The following TMEM255B variants were observed in gnomAD, a reference collection of about 807,000 sequenced individuals.
The protein encoded by TMEM255B is family with sequence similarity 70, member B.
TMEM255B carries 35 observed loss-of-function variants against 34.5 expected under a neutral mutation model. The observed-to-expected ratio is 1.01, with a 90% CI of 0.77 to 1.34. TMEM255B has a LOEUF of 1.34. Among genes scored for constraint, TMEM255B ranks in the 40% most tolerant of loss-of-function variants. TMEM255B has a pLI of 0.00. For synonymous variants in TMEM255B, 206 were observed against 201.2 expected (o/e 1.02, Z -0.20); for missense variants, 432 against 433.2 (o/e 1.00, Z 0.02).
intron 8 of TMEM255B, 36 bp downstream of exon 8, chr13:113,805,064 T>C (rs773637131): frequency 6.4e-7 from 1 of 1,565,578 alleles, no homozygotes. Flanking sequence ...TTGGACGCGC[T>C]GGTCACAGGC....
intron 8 of TMEM255B, among the ~76,000 whole-genome samples, chr13:113,807,218 G>A (rs1357646781): frequency 1.3e-5 from 2 of 152,218 alleles, no homozygotes; most frequent in Non-Finnish European, 2.9e-5. Context: ...AGGCAGGTGT[G>A]TCCTCCCTGC....
rs1334017461 is a variant in TMEM255B at position 113,762,454 on chromosome 13, A to T, written c.46+3139A>T. On this transcript the variant is annotated intron_variant, in intron 1 of 8. Coordinates refer to ENST00000375353, the MANE Select transcript of TMEM255B (RefSeq NM_182614.4). Reference sequence around the variant, plus strand: ...GTATAATCTAGGAATCTGTGATAGGAATGCTGATAAAAGGGTGGCTCATAC... The same window carrying T: ...GTATAATCTAGGAATCTGTGATAGGTATGCTGATAAAAGGGTGGCTCATAC... Among the ~76,000 whole-genome samples the T allele has an allele frequency of 3.9e-5, 6 of 152,282 alleles. No individual in the cohort carries two copies. In the East Asian group the frequency reaches 1.2e-3, roughly 29 times the overall value.
At chr13:113,799,664 C>T in intron 5 of TMEM255B, 1 of 655,054 alleles carries the variant, frequency 1.5e-6, no homozygotes, top group South Asian at 1.8e-5. Flanking sequence ...TCTCAGAGTG[C>T]ACGTGTCCAG....
At chr13:113,764,987 C>T (rs1056363893) in intron 1 of TMEM255B, among the ~76,000 whole-genome samples, 14 of 152,140 alleles carry the variant, frequency 9.2e-5, no homozygotes, top group Admixed American at 2.0e-4. Context: ...GGGTCCAAGA[C>T]GGGGGCAGCC....
intron 8 of TMEM255B, among the ~76,000 whole-genome samples, chr13:113,807,581 T>TG (rs1270496087): frequency 9.8e-5 from 10 of 101,532 alleles, no homozygotes; most frequent in Admixed American, 2.2e-4. Context: ...TTACGGGATG[T>TG]GGGGGTGGTC....
rs116323906 is a variant in TMEM255B, at chr13:113,798,284, G to A, written c.343-1055G>A. Among the ~76,000 whole-genome samples the A allele has an allele frequency of 2.1e-3, 321 of 151,746 alleles. 1 individual carries two copies. The highest frequency in any genetic ancestry group is 7.3e-3 in the African/African-American group (300 of 41,354). ...ATGGATAGATAGGAGGATGGATAACGGATGATGGATGGATGGTGGACAGAT... is the reference window on the plus strand; with the variant it reads ...ATGGATAGATAGGAGGATGGATAACAGATGATGGATGGATGGTGGACAGAT... On this transcript the variant is annotated intron_variant, in intron 4 of 8. Transcript: ENST00000375353.
rs550250637 is a variant in TMEM255B, at chr13:113,762,793, G to A, written c.47-3322G>A. Among the ~76,000 whole-genome samples the A allele has an allele frequency of 1.4e-4, 21 of 152,298 alleles. No homozygotes were observed. In the East Asian group the frequency reaches 3.3e-3, roughly 24 times the overall value. On this transcript the variant is annotated intron_variant, in intron 1 of 8. Coordinates refer to ENST00000375353, the MANE Select transcript of TMEM255B (RefSeq NM_182614.4). ...ACGCCCACAGGAGGCTGGGACAGGA[G>A]CCCCACGGAAGGTTCTACCTGTGGG...
chr13:113,775,358 T>A (rs2050558866), intron 3 of TMEM255B, among the ~76,000 whole-genome samples: 1 of 152,270 alleles, frequency 6.6e-6, no homozygotes, highest in Non-Finnish European at 1.5e-5. Context: ...AGGGCCTCGC[T>A]GTCGTGGGAG....
intron 4 of TMEM255B, among the ~76,000 whole-genome samples, chr13:113,797,255 T>C (rs1015927006): frequency 6.6e-6 from 1 of 152,228 alleles, no homozygotes; most frequent in Non-Finnish European, 1.5e-5. Context: ...GGGCTGACTT[T>C]AGGACGGATG....
rs771274150 is a variant in TMEM255B at position 113,769,521 on chromosome 13, C to T, written c.252+361C>T. 8 of 220,640 alleles carry T rather than the reference C, an allele frequency of 3.6e-5. No individual in the cohort carries two copies. The highest frequency in any genetic ancestry group is 6.5e-5 in the Non-Finnish European group (7 of 108,222). 13.7% of individuals were successfully genotyped at this position (220,640 alleles called of 1,614,324 possible). On this transcript the variant is annotated intron_variant, in intron 3 of 8. Coordinates refer to ENST00000375353, the MANE Select transcript of TMEM255B (RefSeq NM_182614.4). This position sits in a 1 kb window ranked among gnomAD's most constrained non-coding sequence, Gnocchi z 4.2. ...CAGGCAAAAACATGTGCATAAGCCT[C>T]TCTTCCTTTTGAACCAGTGGCTCTA...
intron 1 of TMEM255B, among the ~76,000 whole-genome samples, chr13:113,759,762 C>G (rs2050265828): frequency 6.6e-6 from 1 of 152,162 alleles, no homozygotes; most frequent in Non-Finnish European, 1.5e-5. Context: ...GCGAGGTAGC[C>G]TTTTCCTGTT....
chr13:113,788,656 G>A (rs534148456), intron 3 of TMEM255B, among the ~76,000 whole-genome samples: 21 of 152,214 alleles, frequency 1.4e-4, no homozygotes, highest in East Asian at 5.8e-4. Flanking sequence ...TTGCCCATCC[G>A]GGCCCTGGCT....
chr13:113,783,185 T>C (rs2050691404), intron 3 of TMEM255B, among the ~76,000 whole-genome samples: 1 of 152,190 alleles, frequency 6.6e-6, no homozygotes, highest in South Asian at 2.1e-4. Flanking sequence ...GGGCAGGATT[T>C]TCCTGGGGCT....
At position 113,769,100 on chromosome 13, in the gene TMEM255B, C is replaced by A. The variant is rs765548829; in HGVS notation, c.192C>A (p.Leu64=). Residue 64 remains leucine, a splice_region_variant and synonymous_variant, in exon 3 of 9, where the codon CTC becomes CTA. Coordinates refer to ENST00000375353, the MANE Select transcript of TMEM255B (RefSeq NM_182614.4). This position sits in a 1 kb window ranked among gnomAD's most constrained non-coding sequence, Gnocchi z 4.2. ...TCTCGTTCTTCCTTTGGTTTTAGCT[C>A]GGCTTTGGATCTTTCTTAGGAATTA... The part of the protein sequence containing the change: ...TVGGYYPGII[L]GFGSFLGIIG... 6.2e-7 allele frequency: 1 copy of A among 1,614,108 alleles called. No individual in the cohort carries two copies. The highest frequency in any genetic ancestry group is 8.5e-7 in the Non-Finnish European group (1 of 1,180,002).
intron 7 of TMEM255B, among the ~76,000 whole-genome samples, chr13:113,804,615 TTAGCTC>T (rs1566330785): frequency 4.4e-5 from 6 of 136,018 alleles, no homozygotes; most frequent in South Asian, 2.4e-4. Flanking sequence ...CGGGCCGGGG[TTAGCTC>T]CAGCCTGGGT....
intron 3 of TMEM255B, among the ~76,000 whole-genome samples, chr13:113,783,571 G>GTCAGACGTGGAGAAAA (rs946168606): frequency 1.2e-4 from 19 of 152,292 alleles, no homozygotes; most frequent in South Asian, 6.2e-4. Context: ...TCTGTGACAA[G>GTCAGACGTGGAGAAAA]TCAGACGTGG....
At chr13:113,790,469 C>T (rs1166731266) in intron 3 of TMEM255B, among the ~76,000 whole-genome samples, 6 of 88,348 alleles carry the variant, frequency 6.8e-5, no homozygotes, top group African/African-American at 2.2e-4. Context: ...TGACCGGACA[C>T]GTAGACATCC....
In TMEM255B at chr13:113,769,217, G is replaced by C; in HGVS notation, c.252+57G>C. On this transcript the variant is annotated intron_variant, in intron 3 of 8. Coordinates refer to ENST00000375353, the MANE Select transcript of TMEM255B (RefSeq NM_182614.4). This position sits in a 1 kb window ranked among gnomAD's most constrained non-coding sequence, Gnocchi z 4.2. ...GAGTCCCTCATCAGGGGATGGTACA[G>C]CTGCACTGGGGCTCTGAGAAGAGTC... is the stretch of plus-strand genomic sequence containing the variant. 3 of 1,584,316 alleles carry C rather than the reference G, an allele frequency of 1.9e-6. No homozygotes were observed. In the Admixed American group the frequency reaches 5.0e-5, roughly 26 times the overall value.
rs1470327981 is a variant in TMEM255B at position 113,812,771 on chromosome 13, CACAGGCCCCGGGTGGGTCACAGG to C, written c.*874_*896del. 6.7e-5 allele frequency: 11 copies of C among 164,114 alleles called. No individual in the cohort carries two copies. Among genetic ancestry groups the C allele is most frequent in the African/African-American group, 2.6e-4 (11 of 41,602 alleles). 10.2% of individuals were successfully genotyped at this position (164,114 alleles called of 1,614,324 possible). ...GGGAAGCAGCAGGTCCCGGGTGGGT[CACAGGCCCCGGGTGGGTCACAGG>C]ACAGGTCTCAGGTGGGTCACAGGTC... On this transcript the variant is annotated 3_prime_UTR_variant, in exon 9 of 9. Coordinates refer to ENST00000375353, the MANE Select transcript of TMEM255B (RefSeq NM_182614.4).
Sources: allele counts gnomAD v4.1 joint callset (sites outside exome capture counted in the v4.1 genomes callset), GRCh38; gene constraint gnomAD v4.1.1; non-coding constraint Gnocchi (gnomAD v3.1); transcripts MANE v1.5; gene names NCBI Gene and HGNC (gene_info 2026-07-23, HGNC 2026-07-21).